CYTH1: variants seen among roughly 807,000 people sequenced by gnomAD.
CYTH1 encodes cytohesin-1.
CYTH1 carries 18 observed loss-of-function variants against 61.8 expected under a neutral mutation model. The ratio of observed to expected loss-of-function variants is 0.29; its 90% CI spans 0.20 to 0.43. CYTH1 has a LOEUF of 0.43. Ranked by LOEUF, CYTH1 falls within the 20% of genes least tolerant of loss-of-function variation. The pLI is 1.00. For missense variants in CYTH1, 336 were observed against 510.5 expected (o/e 0.66, Z 3.29); for synonymous variants, 174 against 184.3 (o/e 0.94, Z 0.45).
At chr17:78,714,997 G>T (rs944139769) in intron 1 of CYTH1, among the ~76,000 whole-genome samples, 1 of 152,160 alleles carries the variant, frequency 6.6e-6, no homozygotes, top group Admixed American at 6.5e-5. Flanking sequence ...AGGATTAAAA[G>T]ATAAAGTTGG....
At chr17:78,770,762 T>G (rs916325447) in intron 1 of CYTH1, among the ~76,000 whole-genome samples, 7 of 152,098 alleles carry the variant, frequency 4.6e-5, no homozygotes, top group African/African-American at 1.7e-4. Context: ...CTAACACTAC[T>G]AATTACAACA....
Position 78,702,064 on chromosome 17 carries a change from T to C in CYTH1, c.356+58A>G, listed in dbSNP as rs78994692. Reference sequence around the variant, plus strand: ...ACTTCAGAGTATTTGGGAGTTTGTTTCTTTGTGTCGTTCCTGAACAGCCTT... The same window carrying C: ...ACTTCAGAGTATTTGGGAGTTTGTTCCTTTGTGTCGTTCCTGAACAGCCTT... On this transcript the variant is annotated intron_variant, in intron 5 of 13. Coordinates refer to ENST00000446868, the MANE Select transcript of CYTH1 (RefSeq NM_004762.6). The C allele has an allele frequency of 5.6e-3, 7,735 of 1,388,702 alleles. 406 individuals carry two copies. In the East Asian group the frequency reaches 0.12, roughly 22 times the overall value. The allele number at this position is 1,388,702 out of a possible 1,614,324, so 86.0% of individuals were successfully genotyped here. A position where few individuals can be genotyped will look rare whatever the true frequency, so the allele number is the denominator to read the frequency against.
At position 78,702,608 on chromosome 17, in the gene CYTH1, T is replaced by G. The variant is rs749199128; in HGVS notation, c.171-4A>C. On this transcript the variant is annotated splice_polypyrimidine_tract_variant and splice_region_variant and intron_variant, in intron 3 of 13. Coordinates refer to ENST00000446868, the MANE Select transcript of CYTH1 (RefSeq NM_004762.6). ...TTTGTTCCTCTGCATGTTTTTCCTG[T>G]AAAACAACCATCACAGCCATTTTAG... The G allele has an allele frequency of 6.2e-7, 1 of 1,614,054 alleles. No homozygotes were observed. The highest frequency in any genetic ancestry group is 8.5e-7 in the Non-Finnish European group (1 of 1,179,942).
In CYTH1 at chr17:78,779,541, G is replaced by A. The variant is rs2093508319; in HGVS notation, c.22+2661C>T. The stretch of plus-strand genomic sequence containing the variant: ...AACTTGTGAATAGGTTACCTTACAT[G>A]GCAGAAGGGGAATTAAGGTAACAGA... On this transcript the variant is annotated intron_variant, in intron 1 of 13. Transcript: ENST00000446868. Among the ~76,000 whole-genome samples, 4 of 152,108 alleles carry A rather than the reference G, an allele frequency of 2.6e-5. No individual in the cohort carries two copies. In the South Asian group the frequency reaches 8.3e-4, roughly 32 times the overall value.
At chr17:78,681,271 A>C (rs1261404643) in intron 11 of CYTH1, among the ~76,000 whole-genome samples, 1 of 152,180 alleles carries the variant, frequency 6.6e-6, no homozygotes, top group African/African-American at 2.4e-5. Flanking sequence ...CAGAAGATTC[A>C]ACAGACACCG....
rs1361420840 is a variant in CYTH1, at chr17:78,700,118, G to C, written c.550+213C>G. ...CTAAAACATGGTTTTTAATAGCTGTGTATTTCGTAGTTCAGAGGTACCACA... is the reference window on the plus strand; with the variant it reads ...CTAAAACATGGTTTTTAATAGCTGTCTATTTCGTAGTTCAGAGGTACCACA... On this transcript the variant is annotated intron_variant, in intron 7 of 13. Transcript: ENST00000446868. The surrounding 1 kb of genome is among the most constrained non-coding windows in gnomAD (Gnocchi z 5.1). Among the ~76,000 whole-genome samples, 1 of 152,130 alleles carries C rather than the reference G, an allele frequency of 6.6e-6. No individual in the cohort carries two copies. The highest frequency in any genetic ancestry group is 1.5e-5 in the Non-Finnish European group (1 of 68,018).
intron 1 of CYTH1, among the ~76,000 whole-genome samples, chr17:78,763,247 G>A (rs35573467): frequency 6.6e-6 from 1 of 151,536 alleles, no homozygotes; most frequent in Admixed American, 6.6e-5. Flanking sequence ...GGAGGCTGAG[G>A]CAGGAGAATC....
chr17:78,686,606 C>T (rs749921821), intron 11 of CYTH1, among the ~76,000 whole-genome samples: 1 of 152,072 alleles, frequency 6.6e-6, no homozygotes, highest in African/African-American at 2.4e-5. Flanking sequence ...TCTTTCCTCT[C>T]GGATTGTAAG....
chr17:78,702,332 C>T, intron 4 of CYTH1, 92 bp from the exon 5 acceptor site: 1 of 1,128,646 alleles, frequency 8.9e-7, no homozygotes. Context: ...GGTGTGGGTG[C>T]ACTGGAATAT....
rs2093420009 is a variant in CYTH1, at chr17:78,760,434, T to TATATATGTATATATATATACATAC, written c.22+21767_22+21768insGTATGTATATATATATACATATAT. 4.2e-5 allele frequency among the ~76,000 whole-genome samples: 2 copies of TATATATGTATATATATATACATAC among 47,570 alleles called. 1 individual carries two copies. Among genetic ancestry groups the TATATATGTATATATATATACATAC allele is most frequent in the Admixed American group, 4.5e-4 (2 of 4,402 alleles). The allele number at this position is 47,570 out of a possible 152,430, so 31.2% of individuals were successfully genotyped here. A position where few individuals can be genotyped will look rare whatever the true frequency, so the allele number is the denominator to read the frequency against. ...GTATATATATATATATACACATACATATATATATGTATATATATATACATA... is the reference window on the plus strand; with the variant it reads ...GTATATATATATATATACACATACATATATATGTATATATATATACATACATATATATGTATATATATATACATA... On this transcript the variant is annotated intron_variant, in intron 1 of 13. Transcript: ENST00000446868.
intron 1 of CYTH1, among the ~76,000 whole-genome samples, chr17:78,711,255 C>A (rs901999032): frequency 1.4e-5 from 2 of 147,728 alleles, no homozygotes; most frequent in South Asian, 2.1e-4. Flanking sequence ...GTACAAGACT[C>A]CATCTCAAAT....
intron 1 of CYTH1, among the ~76,000 whole-genome samples, chr17:78,751,929 T>A (rs2093381926): frequency 6.6e-6 from 1 of 152,090 alleles, no homozygotes; most frequent in Non-Finnish European, 1.5e-5. Flanking sequence ...AGAGACAGGG[T>A]TTCACCATGT....
intron 1 of CYTH1, chr17:78,723,750 C>A: frequency 6.6e-6 from 1 of 152,500 alleles, no homozygotes. Context: ...GCAAGAATGC[C>A]AACCTTACTC....
chr17:78,770,121 G>A (rs1230771129), intron 1 of CYTH1, among the ~76,000 whole-genome samples: 1 of 151,108 alleles, frequency 6.6e-6, no homozygotes, highest in Admixed American at 6.6e-5. Flanking sequence ...CTGCACTCCA[G>A]CCTGACGACA....
chr17:78,699,179 A>T (rs1482150303), intron 7 of CYTH1, among the ~76,000 whole-genome samples: 4 of 152,124 alleles, frequency 2.6e-5, no homozygotes, highest in Admixed American at 2.6e-4. Context: ...AGCCTGACCC[A>T]CATGGTGAAA....
chr17:78,769,117 G>A (rs2093460588), intron 1 of CYTH1, among the ~76,000 whole-genome samples: 1 of 151,278 alleles, frequency 6.6e-6, no homozygotes, highest in African/African-American at 2.4e-5. Flanking sequence ...CTGCACTCCA[G>A]CCTAGGCAAC....
chr17:78,694,060 A>G (rs908743612), intron 10 of CYTH1, among the ~76,000 whole-genome samples: 2 of 152,208 alleles, frequency 1.3e-5, no homozygotes, highest in African/African-American at 2.4e-5. Flanking sequence ...AACTGCCAGG[A>G]CCTGCCTGCA....
At chr17:78,769,686 T>C (rs2093462761) in intron 1 of CYTH1, among the ~76,000 whole-genome samples, 2 of 152,226 alleles carry the variant, frequency 1.3e-5, no homozygotes, top group South Asian at 4.1e-4. Flanking sequence ...TCACTCATGC[T>C]TGTTGACTGA....
rs533559888 is a variant in CYTH1, at chr17:78,676,688, C to T, written c.1119-519G>A. On this transcript the variant is annotated intron_variant, in intron 13 of 13. Transcript: ENST00000446868. ...ACTCTGCAGGCGGCACTGCCCAGCA[C>T]GATGCTGCTGGTGGGGCACCATGGA... 317 of 317,232 alleles carry T rather than the reference C, an allele frequency of 1.0e-3. 1 individual carries two copies. Among genetic ancestry groups the T allele is most frequent in the African/African-American group, 6.2e-3 (282 of 45,674 alleles). 19.7% of individuals were successfully genotyped at this position (317,232 alleles called of 1,614,324 possible).
Sources: gnomAD v4.1 joint callset for allele counts (sites outside exome capture counted in the v4.1 genomes callset) on GRCh38, gnomAD v4.1.1 for gene constraint, Gnocchi (gnomAD v3.1) non-coding constraint, MANE v1.5 for transcripts, NCBI Gene and HGNC (gene_info 2026-07-23, HGNC 2026-07-21) for gene names.